RNF32: variants seen among roughly 807,000 people sequenced by gnomAD.
RNF32 encodes the protein ring finger protein 32.
Under a neutral mutation model 41.0 loss-of-function variants are expected in RNF32, and 36 were observed. The observed-to-expected ratio is 0.88, with a 90% CI of 0.67 to 1.16. The LOEUF (loss-of-function observed/expected upper bound fraction) is 1.16. RNF32 is among the 50% of genes most tolerant of loss of function. RNF32 has a pLI of 0.00. For synonymous variants in RNF32, 154 were observed against 160.9 expected, an observed-to-expected ratio of 0.96 and a Z score of 0.32; for missense variants, 413 against 436.7, an observed-to-expected ratio of 0.95 and a Z score of 0.48.
intron 7 of RNF32, among the ~76,000 whole-genome samples, chr7:156,661,382 C>T (rs1048277312): frequency 6.6e-6 from 1 of 151,330 alleles, no homozygotes; most frequent in African/African-American, 2.4e-5. Flanking sequence ...TGCAGTGGCA[C>T]GATCTTGGCT....
chr7:156,643,397 G>A (rs1797611425), intron 1 of RNF32, among the ~76,000 whole-genome samples: 1 of 152,180 alleles, frequency 6.6e-6, no homozygotes, highest in African/African-American at 2.4e-5. Context: ...CAGCCTGCCA[G>A]TTCTTTCCTC....
Position 156,669,858 on chromosome 7 carries a change from G to A in RNF32, c.685-5838G>A, listed in dbSNP as rs1003636818. On this transcript the variant is annotated intron_variant, in intron 7 of 8. Transcript: ENST00000317955. The surrounding 1 kb of genome is among the most constrained non-coding windows in gnomAD (Gnocchi z 4.2). ...CGTGCAGTTGGGCCTGCAGCACGCAGGGCTTGGGGACTCTGTTCCAGGTGA... is the reference window on the plus strand; with the variant it reads ...CGTGCAGTTGGGCCTGCAGCACGCAAGGCTTGGGGACTCTGTTCCAGGTGA... Among the ~76,000 whole-genome samples, 8 of 152,176 alleles carry A rather than the reference G, an allele frequency of 5.3e-5. No homozygotes were observed. Among genetic ancestry groups the A allele is most frequent in the African/African-American group, 1.9e-4 (8 of 41,464 alleles).
chr7:156,643,983 A>C, intron 2 of RNF32, 91 bp downstream of exon 2: 1 of 1,164,198 alleles, frequency 8.6e-7, no homozygotes, highest in Non-Finnish European at 1.3e-6. Flanking sequence ...CTAGTTTGCA[A>C]ACCCTGCTTG....
At chr7:156,645,750 CA>C (rs1797902321) in intron 3 of RNF32, among the ~76,000 whole-genome samples, 1 of 152,122 alleles carries the variant, frequency 6.6e-6, no homozygotes, top group African/African-American at 2.4e-5. Flanking sequence ...TTTCTTTTTG[CA>C]AGTGTGAATA....
chr7:156,648,430 A>T (rs1214864533), intron 3 of RNF32, among the ~76,000 whole-genome samples: 1 of 152,218 alleles, frequency 6.6e-6, no homozygotes, highest in East Asian at 1.9e-4. Flanking sequence ...TTTAGTGAAG[A>T]TCTTCTGTTG....
Position 156,654,596 on chromosome 7 carries a change from G to A in RNF32, c.295G>A (p.Gly99Arg). 1 of 1,614,026 alleles carries A rather than the reference G, an allele frequency of 6.2e-7. No individual in the cohort carries two copies. The highest frequency in any genetic ancestry group is 8.5e-7 in the Non-Finnish European group (1 of 1,179,900). The change falls in exon 4 of 9, where the codon GGG (glycine) becomes AGG (arginine). Residue 99 changes from glycine to arginine, a missense_variant. By Grantham distance (125) the Gly-to-Arg change is moderately radical. Transcript: ENST00000317955. ...LTLAQKLGLI[G>R]PPPPPLSSDE... ...TTTAGCACAGAAGTTGGGCCTCATT[G>A]GGCCTCCACCACCTCCACTGTCATC... is the stretch of plus-strand genomic sequence containing the variant.
Position 156,648,518 on chromosome 7 carries a change from TTAGATA to T in RNF32, c.274+3764_274+3769del, listed in dbSNP as rs567025464. 1.1e-4 allele frequency among the ~76,000 whole-genome samples: 16 copies of T among 152,296 alleles called. No homozygotes were observed. The East Asian group carries it at 2.1e-3, about 20-fold the overall frequency. ...AGAGTTTTATCAGGAAAAATTTAAA[TTAGATA>T]TAAAGAGGAACGTCCCAATTTGGAA... is the stretch of plus-strand genomic sequence containing the variant. On this transcript the variant is annotated intron_variant, in intron 3 of 8. Coordinates refer to ENST00000317955, the MANE Select transcript of RNF32 (RefSeq NM_030936.4).
intron 6 of RNF32, 85 bp from the exon 7 acceptor site, chr7:156,658,377 C>A: frequency 2.6e-6 from 4 of 1,513,886 alleles, no homozygotes; most frequent in Non-Finnish European, 3.7e-6. Flanking sequence ...GGGCCTTGTA[C>A]AGCACAGGGC....
rs1800849706 is a variant in RNF32, at chr7:156,662,919, C to T, written c.684+4349C>T. Among the ~76,000 whole-genome samples, 4 of 150,574 alleles carry T rather than the reference C, an allele frequency of 2.7e-5. No individual in the cohort carries two copies. In the South Asian group the frequency reaches 8.4e-4, roughly 32 times the overall value. ...CTGGAGTGCAGTGGCGCGATCTCGGCACACTGCAACCTCCGCCTCCCAGGT... is the reference window on the plus strand; with the variant it reads ...CTGGAGTGCAGTGGCGCGATCTCGGTACACTGCAACCTCCGCCTCCCAGGT... On this transcript the variant is annotated intron_variant, in intron 7 of 8. Transcript: ENST00000317955.
In RNF32 at chr7:156,669,971, C is replaced by T. The variant is rs1182955435; in HGVS notation, c.685-5725C>T. Reference sequence around the variant, plus strand: ...AAAGAAAACATGGGAAAGTGCCATCCAAGTACTAAAAGTATAAAGCTGTAT... The same window carrying T: ...AAAGAAAACATGGGAAAGTGCCATCTAAGTACTAAAAGTATAAAGCTGTAT... On this transcript the variant is annotated intron_variant, in intron 7 of 8. Transcript: ENST00000317955. This position sits in a 1 kb window ranked among gnomAD's most constrained non-coding sequence, Gnocchi z 4.2. 6.6e-6 allele frequency among the ~76,000 whole-genome samples: 1 copy of T among 152,174 alleles called. No homozygotes were observed. The highest frequency in any genetic ancestry group is 1.5e-5 in the Non-Finnish European group (1 of 68,034).
intron 7 of RNF32, among the ~76,000 whole-genome samples, chr7:156,671,115 CAG>C (rs1395330654): frequency 6.6e-6 from 1 of 152,132 alleles, no homozygotes; most frequent in Non-Finnish European, 1.5e-5. Flanking sequence ...AGAATAGAAA[CAG>C]AGTTTTAACC....
In RNF32 at chr7:156,660,082, C is replaced by G. The variant is rs887214749; in HGVS notation, c.684+1512C>G. The G allele has an allele frequency of 6.1e-5, 60 of 985,922 alleles. No homozygotes were observed. The African/African-American group carries it at 1.0e-3, about 17-fold the overall frequency. 61.1% of individuals were successfully genotyped at this position (985,922 alleles called of 1,614,324 possible). On this transcript the variant is annotated intron_variant, in intron 7 of 8. Transcript: ENST00000317955. Reference sequence around the variant, plus strand: ...GTTTTTTGTTTTATCCTTGGTTCATCCCAACTGCTGCCTCCTCGTCCTGAG... The same window carrying G: ...GTTTTTTGTTTTATCCTTGGTTCATGCCAACTGCTGCCTCCTCGTCCTGAG...
intron 7 of RNF32, among the ~76,000 whole-genome samples, chr7:156,666,144 G>T (rs534337463): frequency 6.6e-6 from 1 of 152,182 alleles, no homozygotes; most frequent in Non-Finnish European, 1.5e-5. Flanking sequence ...TTTAGACATA[G>T]CTGATTAGGA....
intron 1 of RNF32, among the ~76,000 whole-genome samples, chr7:156,643,575 C>T (rs1797635210): frequency 6.6e-6 from 1 of 152,190 alleles, no homozygotes; most frequent in East Asian, 1.9e-4. Context: ...ATTAATGTGT[C>T]CTCAGGAGCT....
intron 4 of RNF32, among the ~76,000 whole-genome samples, chr7:156,656,506 A>G (rs954778028): frequency 1.8e-4 from 28 of 152,252 alleles, no homozygotes; most frequent in African/African-American, 6.5e-4. Context: ...AGTTTATTCA[A>G]TTCAGACTTA....
chr7:156,665,345 C>A (rs571362182), intron 7 of RNF32, among the ~76,000 whole-genome samples: 2 of 152,304 alleles, frequency 1.3e-5, no homozygotes, highest in South Asian at 2.1e-4. Context: ...CACCTCATCA[C>A]CCCTTCCATA....
At chr7:156,665,721 G>T (rs189948824) in intron 7 of RNF32, among the ~76,000 whole-genome samples, 1 of 152,142 alleles carries the variant, frequency 6.6e-6, no homozygotes, top group Non-Finnish European at 1.5e-5. Context: ...CAGCCATCTC[G>T]ATTCTGCACT....
chr7:156,657,172 T>C (rs1693596252), intron 4 of RNF32, among the ~76,000 whole-genome samples: 1 of 152,222 alleles, frequency 6.6e-6, no homozygotes, highest in South Asian at 2.1e-4. Flanking sequence ...TAAATGGTAT[T>C]TACTTAGCGT....
intron 7 of RNF32, among the ~76,000 whole-genome samples, chr7:156,661,913 G>A (rs1029046858): frequency 1.3e-5 from 2 of 152,086 alleles, no homozygotes; most frequent in Non-Finnish European, 1.5e-5. Flanking sequence ...TGTGGGGGTG[G>A]GGAGGAACAG....
Sources: allele counts gnomAD v4.1 joint callset (sites outside exome capture counted in the v4.1 genomes callset), GRCh38; gene constraint gnomAD v4.1.1; non-coding constraint Gnocchi (gnomAD v3.1); transcripts MANE v1.5; gene names NCBI Gene and HGNC (gene_info 2026-07-23, HGNC 2026-07-21).